The following SLC29A3 variants were observed in gnomAD, a reference collection of about 807,000 sequenced individuals.
SLC29A3 encodes the protein equilibrative nucleoside transporter 3.
SLC29A3 carries 18 observed loss-of-function variants against 25.4 expected under a neutral mutation model. The observed-to-expected ratio is 0.71, with a 90% confidence interval of 0.49 to 1.05. SLC29A3 has a LOEUF of 1.05. Among genes scored for constraint, SLC29A3 ranks in the 50% least tolerant of loss-of-function variants. The pLI is 0.00. For synonymous variants in SLC29A3, 258 were observed against 267.1 expected, an observed-to-expected ratio of 0.97 and a Z score of 0.33; for missense variants, 586 against 609.0, an observed-to-expected ratio of 0.96 and a Z score of 0.40.
At chr10:71,340,658 C>T (rs1480629353) in intron 2 of SLC29A3, among the ~76,000 whole-genome samples, 1 of 152,218 alleles carries the variant, frequency 6.6e-6, no homozygotes, top group Non-Finnish European at 1.5e-5. Flanking sequence ...AGTCTTGTTA[C>T]CATCCTAGTC....
rs892266986 is a variant in SLC29A3 at position 71,339,416 on chromosome 10, A to G, written c.301-4793A>G. Among the ~76,000 whole-genome samples the G allele has an allele frequency of 2.6e-5, 4 of 152,308 alleles. No individual in the cohort carries two copies. In the East Asian group the frequency reaches 5.8e-4, roughly 22 times the overall value. On this transcript the variant is annotated intron_variant, in intron 2 of 5. Transcript: ENST00000373189. ...GCTAGGGAGATAGTGGTGCGCAGGG[A>G]GATCAGATCTCACATTCAGGGAGCA... is the stretch of plus-strand genomic sequence containing the variant.
chr10:71,377,100 C>G (rs1564547418), intron 4 of SLC29A3, among the ~76,000 whole-genome samples: 2 of 152,202 alleles, frequency 1.3e-5, no homozygotes, highest in Admixed American at 6.5e-5. Context: ...CCCAGTGTCA[C>G]AGAGCTGAAC....
At chr10:71,319,583 G>GT (rs1281791869) in intron 1 of SLC29A3, 2 of 379,554 alleles carry the variant, frequency 5.3e-6, no homozygotes, top group Non-Finnish European at 9.3e-6. Flanking sequence ...TGGGGGCCTG[G>GT]TATGGACCCG....
In SLC29A3 at chr10:71,362,995, T is replaced by C. The variant is rs1360010568; in HGVS notation, c.*387T>C. ...GCTCTTTGCAACCTCCCAGCTGCGC[T>C]CATTCCAGCTGACAGCGAGATGCAA... On this transcript the variant is annotated 3_prime_UTR_variant, in exon 6 of 6. Coordinates refer to ENST00000373189, the MANE Select transcript of SLC29A3 (RefSeq NM_018344.6). The C allele has an allele frequency of 8.5e-6, 4 of 469,290 alleles. No homozygotes were observed. Among genetic ancestry groups the C allele is most frequent in the East Asian group, 6.6e-5 (1 of 15,154 alleles). 29.1% of individuals were successfully genotyped at this position (469,290 alleles called of 1,614,324 possible). A position where few individuals can be genotyped will look rare whatever the true frequency, so the allele number is the denominator to read the frequency against.
chr10:71,333,665 G>T (rs1057283336), intron 2 of SLC29A3, among the ~76,000 whole-genome samples: 12 of 152,276 alleles, frequency 7.9e-5, no homozygotes, highest in African/African-American at 2.9e-4. Context: ...GCAGAAGCCT[G>T]CCCGGTCAGG....
At chr10:71,337,974 G>A (rs1476558383) in intron 2 of SLC29A3, among the ~76,000 whole-genome samples, 1 of 152,238 alleles carries the variant, frequency 6.6e-6, no homozygotes, top group Non-Finnish European at 1.5e-5. Flanking sequence ...ATGGAAATGA[G>A]TTTCCTTCTC....
chr10:71,369,695 G>A (rs1007181947), intron 3 of SLC29A3, among the ~76,000 whole-genome samples: 4 of 152,214 alleles, frequency 2.6e-5, no homozygotes, highest in Non-Finnish European at 5.9e-5. Context: ...CTACATCAAA[G>A]TAAAGGGAGG....
intron 3 of SLC29A3, among the ~76,000 whole-genome samples, chr10:71,372,472 C>T (rs891953293): frequency 1.3e-5 from 2 of 152,172 alleles, no homozygotes; most frequent in African/African-American, 4.8e-5. Flanking sequence ...TGTATCCACT[C>T]CCAGAGTCCC....
chr10:71,324,439 T>C (rs1319312937), intron 2 of SLC29A3, among the ~76,000 whole-genome samples: 1 of 152,162 alleles, frequency 6.6e-6, no homozygotes, highest in Non-Finnish European at 1.5e-5. Flanking sequence ...ATCCCTTGGG[T>C]ATACTGAGTG....
At chr10:71,323,263 G>A (rs1424281963) in intron 2 of SLC29A3, among the ~76,000 whole-genome samples, 1 of 152,360 alleles carries the variant, frequency 6.6e-6, no homozygotes, top group Non-Finnish European at 1.5e-5. Context: ...GTGAAGGTAT[G>A]GACTGAATAG....
rs140867523 is a variant in SLC29A3 at position 71,363,037 on chromosome 10, C to T, written c.*429C>T. ...GAGATGCAAGCAAATGCTCAGCTCTCCTTACCCTGAAGGGGTCTCCCTGGA... is the reference window on the plus strand; with the variant it reads ...GAGATGCAAGCAAATGCTCAGCTCTTCTTACCCTGAAGGGGTCTCCCTGGA... On this transcript the variant is annotated 3_prime_UTR_variant, in exon 6 of 6. Transcript: ENST00000373189. 219 of 457,564 alleles carry T rather than the reference C, an allele frequency of 4.8e-4. 2 individuals are homozygous for T. Among genetic ancestry groups the T allele is most frequent in the African/African-American group, 3.7e-3 (186 of 50,296 alleles). The allele number at this position is 457,564 out of a possible 1,614,324, so 28.3% of individuals were successfully genotyped here.
downstream of SLC29A3, chr10:71,363,517 GC>G: frequency 2.7e-6 from 1 of 365,738 alleles, no homozygotes. Context: ...AGGCTGGAGT[GC>G]AGTGGCTCGA....
intron 4 of SLC29A3, among the ~76,000 whole-genome samples, chr10:71,378,093 G>T (rs1465957859): frequency 4.8e-5 from 3 of 62,440 alleles, no homozygotes; most frequent in African/African-American, 1.7e-4. Flanking sequence ...CTTAGACAAT[G>T]TTGGGGGGGG....
chr10:71,375,941 T>C (rs1847248688), intron 4 of SLC29A3: 3 of 152,182 alleles, frequency 2.0e-5, no homozygotes, highest in Admixed American at 1.3e-4. Flanking sequence ...TCCCTTTAAA[T>C]TGAGGGCAGA....
At position 71,374,850 on chromosome 10, in the gene SLC29A3, T is replaced by A. The variant is rs547788547; in HGVS notation, c.*95-845T>A. Among the ~76,000 whole-genome samples, 9 of 152,304 alleles carry A rather than the reference T, an allele frequency of 5.9e-5. No individual in the cohort carries two copies. The South Asian group carries it at 1.9e-3, about 32-fold the overall frequency. ...CACTGTTTGACAGTGCAGAGACTGGTCCAGAAATGGGGTCGCTTGCCTCTG... is the reference window on the plus strand; with the variant it reads ...CACTGTTTGACAGTGCAGAGACTGGACCAGAAATGGGGTCGCTTGCCTCTG... On this transcript the variant is annotated intron_variant and NMD_transcript_variant, in intron 3 of 4. Coordinates refer to the SLC29A3 transcript ENST00000642772.
intron 3 of SLC29A3, among the ~76,000 whole-genome samples, chr10:71,369,592 A>G (rs1847195828): frequency 6.6e-6 from 1 of 152,250 alleles, no homozygotes; most frequent in Non-Finnish European, 1.5e-5. Context: ...TAAGGAGATC[A>G]GAGTAGAGCA....
At chr10:71,376,988 C>G (rs1377603311) in intron 4 of SLC29A3, among the ~76,000 whole-genome samples, 1 of 151,886 alleles carries the variant, frequency 6.6e-6, no homozygotes, top group Non-Finnish European at 1.5e-5. Context: ...GTTGCCCAGG[C>G]TGGTCTCGAA....
At chr10:71,349,709 C>T (rs891184455) in intron 3 of SLC29A3, among the ~76,000 whole-genome samples, 1 of 152,168 alleles carries the variant, frequency 6.6e-6, no homozygotes, top group Admixed American at 6.5e-5. Context: ...ACGCCTCTCC[C>T]CAGCATCACC....
intron 3 of SLC29A3, among the ~76,000 whole-genome samples, chr10:71,344,733 C>T (rs1008670143): frequency 3.9e-5 from 6 of 152,214 alleles, no homozygotes; most frequent in Admixed American, 6.5e-5. Context: ...CCACGAGAGG[C>T]TCCATCTGGA....
Sources: gnomAD v4.1 joint callset for allele counts (sites outside exome capture counted in the v4.1 genomes callset) on GRCh38, gnomAD v4.1.1 for gene constraint, MANE v1.5 for transcripts, NCBI Gene and HGNC (gene_info 2026-07-23, HGNC 2026-07-21) for gene names.